The following CPLANE1 variants were observed in gnomAD, a reference collection of about 807,000 sequenced individuals.
CPLANE1 encodes the protein ciliogenesis and planar polarity effector 1.
A neutral mutation model predicts 362.5 loss-of-function variants in CPLANE1; 263 were observed. The ratio of observed to expected loss-of-function variants is 0.73; its 90% CI spans 0.66 to 0.80. CPLANE1 has a LOEUF of 0.80. CPLANE1 is among the 30% of genes least tolerant of loss of function. The pLI, the probability that CPLANE1 is intolerant of heterozygous loss-of-function variation, is 0.00. For missense variants in CPLANE1, 3,461 were observed against 3,793.4 expected, an observed-to-expected ratio of 0.91 and a Z score of 2.30; for synonymous variants, 1,212 against 1,302.6, an observed-to-expected ratio of 0.93 and a Z score of 1.50.
intron 9 of CPLANE1, among the ~76,000 whole-genome samples, chr5:37,228,833 G>T (rs1797028623): frequency 6.6e-6 from 1 of 151,940 alleles, no homozygotes; most frequent in South Asian, 2.1e-4. Flanking sequence ...AGTTTGGAAG[G>T]CCCCAAATAT....
chr5:37,155,034 T>TAA (rs1774679224), intron 41 of CPLANE1, among the ~76,000 whole-genome samples: 1 of 152,218 alleles, frequency 6.6e-6, no homozygotes, highest in Non-Finnish European at 1.5e-5. Context: ...TTCTACCTGC[T>TAA]AAACACCTAC....
intron 20 of CPLANE1, 33 bp downstream of exon 20, chr5:37,198,669 C>T: frequency 6.3e-7 from 1 of 1,582,930 alleles, no homozygotes. Flanking sequence ...TTTCAGTTAA[C>T]ACAGCATGTA....
intron 41 of CPLANE1, among the ~76,000 whole-genome samples, chr5:37,154,393 A>G (rs900776176): frequency 2.0e-5 from 3 of 151,614 alleles, no homozygotes; most frequent in South Asian, 2.1e-4. Context: ...CTAAAACCAA[A>G]ATCAAAGCCA....
chr5:37,181,154 G>C (rs1782565339), intron 26 of CPLANE1, 149 bp from the exon 27 acceptor site: 2 of 759,148 alleles, frequency 2.6e-6, no homozygotes, highest in Non-Finnish European at 2.0e-6. Context: ...CTCAATATTT[G>C]TTGCTGAAGC....
At chr5:37,145,553 C>T (rs1771291164) in intron 43 of CPLANE1, among the ~76,000 whole-genome samples, 1 of 152,104 alleles carries the variant, frequency 6.6e-6, no homozygotes, top group African/African-American at 2.4e-5. Context: ...ACCTCAGCCT[C>T]CCAAATAGCT....
At chr5:37,103,177 T>G (rs1757380154), downstream of CPLANE1, among the ~76,000 whole-genome samples, 1 of 152,188 alleles carries the variant, frequency 6.6e-6, no homozygotes, top group Non-Finnish European at 1.5e-5. Context: ...TTAAAGTCTG[T>G]TTTGTCAGAA....
At chr5:37,142,555 C>T in intron 43 of CPLANE1, 75 bp from the exon 44 acceptor site, 1 of 942,714 alleles carries the variant, frequency 1.1e-6, no homozygotes. Flanking sequence ...ACAATTGCCA[C>T]TATTTCCAAC....
At chr5:37,239,890 T>C in intron 6 of CPLANE1, 21 bp from the exon 7 acceptor site, 1 of 1,433,886 alleles carries the variant, frequency 7.0e-7, no homozygotes, top group South Asian at 1.6e-5. Flanking sequence ...AATGAAATAA[T>C]TGAAAACAAA....
intron 1 of CPLANE1, among the ~76,000 whole-genome samples, chr5:37,247,990 A>G (rs914733680): frequency 6.6e-6 from 1 of 151,498 alleles, no homozygotes; most frequent in African/African-American, 2.4e-5. Context: ...GGGTTTCACC[A>G]TGTTGGCCAG....
intron 8 of CPLANE1, among the ~76,000 whole-genome samples, chr5:37,233,351 C>T (rs1203627949): frequency 6.6e-6 from 1 of 152,092 alleles, no homozygotes; most frequent in African/African-American, 2.4e-5. Context: ...GCACTTCTCA[C>T]AGCTTCTTGC....
At chr5:37,132,687 T>C (rs1004676257) in intron 46 of CPLANE1, among the ~76,000 whole-genome samples, 2 of 152,206 alleles carry the variant, frequency 1.3e-5, no homozygotes, top group Admixed American at 6.5e-5. Flanking sequence ...TATTAGATCA[T>C]TGTTGGATGC....
chr5:37,104,565 A>C (rs191146749), downstream of CPLANE1, among the ~76,000 whole-genome samples: 195 of 150,574 alleles, frequency 1.3e-3, no homozygotes, highest in African/African-American at 4.6e-3. Flanking sequence ...GCACCACTGC[A>C]CTCCAGCCTG....
intron 37 of CPLANE1, 57 bp from the exon 38 acceptor site, chr5:37,162,623 G>A (rs1470040242): frequency 8.2e-7 from 1 of 1,222,102 alleles, no homozygotes; most frequent in African/African-American, 1.5e-5. Context: ...ATTACCAGGA[G>A]CCCAGCAGCA....
At chr5:37,211,625 A>G in intron 16 of CPLANE1, 1 of 835,900 alleles carries the variant, frequency 1.2e-6, no homozygotes, top group Non-Finnish European at 2.1e-6. Context: ...TATATCTGGA[A>G]GGTCTGGGCA....
intron 12 of CPLANE1, among the ~76,000 whole-genome samples, chr5:37,225,195 G>A (rs911839528): frequency 2.0e-5 from 3 of 151,490 alleles, no homozygotes; most frequent in South Asian, 2.1e-4. Context: ...TCAGCCTCCC[G>A]GGCTCAAGCA....
In CPLANE1 at chr5:37,231,029, A is replaced by C; in HGVS notation, c.959T>G (p.Ile320Ser). The part of the protein sequence containing the change: ...TLIRSYWVGD[I>S]SWTHDSLFLA... ...AAAAAGACTATCATGCGTCCAGCTG[A>C]TATCACCTACCCAGTAGGACCTATA... The change falls in exon 9 of 53, where the codon ATC becomes AGC. Residue 320 changes from isoleucine to serine, a missense_variant. Transcript: ENST00000651892. 6.5e-7 allele frequency: 1 copy of C among 1,544,444 alleles called. No individual in the cohort carries two copies. The highest frequency in any genetic ancestry group is 8.7e-7 in the Non-Finnish European group (1 of 1,143,564).
At chr5:37,231,572 C>T (rs1404517252) in intron 8 of CPLANE1, among the ~76,000 whole-genome samples, 1 of 151,954 alleles carries the variant, frequency 6.6e-6, no homozygotes, top group Non-Finnish European at 1.5e-5. Context: ...ATATATATTC[C>T]TAAAGAACTG....
the CPLANE1 span, chr5:37,085,459 T>G: frequency 1.2e-6 from 1 of 851,390 alleles, no homozygotes; most frequent in Non-Finnish European, 2.1e-6. Flanking sequence ...ACAAAAGGAA[T>G]CCCTCATCTG....
chr5:37,087,182 T>TCTA, the CPLANE1 span, among the ~76,000 whole-genome samples: 1 of 152,134 alleles, frequency 6.6e-6, no homozygotes, highest in African/African-American at 2.4e-5. Flanking sequence ...AGATGTAGAA[T>TCTA]GCTGGGAACA....
Sources: gnomAD v4.1 joint callset for allele counts (sites outside exome capture counted in the v4.1 genomes callset) on GRCh38, gnomAD v4.1.1 for gene constraint, MANE v1.5 for transcripts, NCBI Gene and HGNC (gene_info 2026-07-23, HGNC 2026-07-21) for gene names.